Variants in PPP1R9A observed in about 807,000 individuals in gnomAD.
PPP1R9A encodes protein phosphatase 1 regulatory subunit 9A.
In PPP1R9A, 59 loss-of-function variants were observed where a neutral mutation model predicts 141.9. The ratio of observed to expected loss-of-function variants is 0.42; its 90% CI spans 0.34 to 0.52. PPP1R9A has a LOEUF of 0.52. Ranked by LOEUF, PPP1R9A falls within the 20% of genes least tolerant of loss-of-function variation. The pLI, the probability that PPP1R9A is intolerant of heterozygous loss-of-function variation, is 0.10. For missense variants in PPP1R9A, 1,444 were observed against 1,611.9 expected (o/e 0.90, Z 1.78); for synonymous variants, 500 against 569.7 (o/e 0.88, Z 1.74).
intron 2 of PPP1R9A, among the ~76,000 whole-genome samples, chr7:95,075,522 C>G: frequency 6.6e-6 from 1 of 152,122 alleles, no homozygotes; most frequent in East Asian, 1.9e-4. Flanking sequence ...ACCAACTTAA[C>G]AAAAGGTGAT....
chr7:95,082,363 C>G (rs1563211401), intron 2 of PPP1R9A, among the ~76,000 whole-genome samples: 1 of 152,158 alleles, frequency 6.6e-6, no homozygotes, highest in Non-Finnish European at 1.5e-5. Context: ...AAGGCCCTCA[C>G]CTTAGGCTGA....
In PPP1R9A at chr7:95,197,898, C is replaced by G. The variant is rs534810929; in HGVS notation, c.1755-451C>G. Among the ~76,000 whole-genome samples the G allele has an allele frequency of 1.1e-4, 16 of 152,318 alleles. No homozygotes were observed. The East Asian group carries it at 3.1e-3, about 29-fold the overall frequency. On this transcript the variant is annotated intron_variant, in intron 5 of 19. Coordinates refer to ENST00000433360, the MANE Select transcript of PPP1R9A (RefSeq NM_001166160.2). ...TCCGGGCCTCAGGTGATCCACCCACCTTTGCCTCCCAAAGTGTTGGGATTA... is the reference window on the plus strand; with the variant it reads ...TCCGGGCCTCAGGTGATCCACCCACGTTTGCCTCCCAAAGTGTTGGGATTA...
intron 2 of PPP1R9A, among the ~76,000 whole-genome samples, chr7:95,070,042 A>G (rs1374819593): frequency 5.3e-5 from 8 of 152,090 alleles, no homozygotes; most frequent in Non-Finnish European, 1.5e-5. Context: ...AATATACATG[A>G]TTCCCTTTGT....
chr7:95,227,097 G>A (rs1336872064), intron 8 of PPP1R9A, among the ~76,000 whole-genome samples: 1 of 152,202 alleles, frequency 6.6e-6, no homozygotes, highest in African/African-American at 2.4e-5. Flanking sequence ...CTGAGTGGGA[G>A]AAAGAGGTGT....
At chr7:95,103,429 G>A (rs1237075192) in intron 2 of PPP1R9A, among the ~76,000 whole-genome samples, 1 of 140,358 alleles carries the variant, frequency 7.1e-6, no homozygotes, top group East Asian at 2.1e-4. Context: ...GTGCAGTGGT[G>A]CGATCTTGGC....
intron 5 of PPP1R9A, among the ~76,000 whole-genome samples, chr7:95,197,711 C>T (rs902215867): frequency 6.6e-6 from 1 of 152,086 alleles, no homozygotes; most frequent in Non-Finnish European, 1.5e-5. Context: ...TGCAGTGGCG[C>T]GGTCTTGGCT....
At chr7:94,938,504 T>C (rs1261256628) in intron 2 of PPP1R9A, among the ~76,000 whole-genome samples, 2 of 152,122 alleles carry the variant, frequency 1.3e-5, no homozygotes, top group Non-Finnish European at 2.9e-5. Flanking sequence ...CTGCTATTAC[T>C]AGGAAAAAAG....
At position 95,135,589 on chromosome 7, in the gene PPP1R9A, C is replaced by G. The variant is rs542056509; in HGVS notation, c.1649+14757C>G. Among the ~76,000 whole-genome samples the G allele has an allele frequency of 6.0e-4, 91 of 152,198 alleles. 1 individual carries two copies. Among genetic ancestry groups the G allele is most frequent in the African/African-American group, 2.0e-3 (83 of 41,530 alleles). On this transcript the variant is annotated intron_variant, in intron 4 of 19. Transcript: ENST00000433360. ...GATCATTCTATCTATTGATATTGTA[C>G]AAACCTGTATTTTGCTTTTATTTTT...
chr7:95,291,285 C>G lies in PPP1R9A; in HGVS notation c.*982C>G, dbSNP rs1806321799. 6.6e-6 allele frequency: 1 copy of G among 152,174 alleles called. No homozygotes were observed. The highest frequency in any genetic ancestry group is 1.5e-5 in the Non-Finnish European group (1 of 68,040). The allele number at this position is 152,174 out of a possible 1,614,324, so 9.4% of individuals were successfully genotyped here. On this transcript the variant is annotated 3_prime_UTR_variant, in exon 20 of 20. Coordinates refer to ENST00000433360, the MANE Select transcript of PPP1R9A (RefSeq NM_001166160.2). ...AGCCTGCCTATGTCACAATCAGGAA[C>G]TCATCACATATTTTCTACTCAAGAT...
chr7:95,068,733 T>C (rs1813338584), intron 2 of PPP1R9A, among the ~76,000 whole-genome samples: 1 of 152,088 alleles, frequency 6.6e-6, no homozygotes, highest in Non-Finnish European at 1.5e-5. Flanking sequence ...GATAGTGGGC[T>C]GTAGGACCAA....
intron 2 of PPP1R9A, among the ~76,000 whole-genome samples, chr7:95,001,986 A>G (rs1802997482): frequency 6.6e-6 from 1 of 152,202 alleles, no homozygotes; most frequent in Non-Finnish European, 1.5e-5. Flanking sequence ...GTCACAAGCC[A>G]TGCTTTTTAG....
chr7:94,993,005 T>G (rs1801711506), intron 2 of PPP1R9A, among the ~76,000 whole-genome samples: 1 of 152,012 alleles, frequency 6.6e-6, no homozygotes, highest in African/African-American at 2.4e-5. Context: ...TAGATTTTTG[T>G]AGTTTTAGTT....
chr7:95,150,563 A>G (rs1190511854), intron 4 of PPP1R9A, among the ~76,000 whole-genome samples: 1 of 152,102 alleles, frequency 6.6e-6, no homozygotes, highest in African/African-American at 2.4e-5. Flanking sequence ...TGAGCCCCCA[A>G]AGTGCTGGGA....
chr7:95,105,743 A>G (rs1423274687), intron 2 of PPP1R9A, among the ~76,000 whole-genome samples: 1 of 152,226 alleles, frequency 6.6e-6, no homozygotes, highest in African/African-American at 2.4e-5. Flanking sequence ...TATTGTAAGA[A>G]AATGGAAAGA....
At chr7:95,033,335 G>A (rs562289562) in intron 2 of PPP1R9A, among the ~76,000 whole-genome samples, 13 of 151,776 alleles carry the variant, frequency 8.6e-5, no homozygotes, top group Middle Eastern at 3.2e-3. Flanking sequence ...TTTTAAGTAT[G>A]TGTTCAAGTC....
chr7:95,114,795 A>G (rs916886665), intron 3 of PPP1R9A, among the ~76,000 whole-genome samples: 10 of 151,936 alleles, frequency 6.6e-5, no homozygotes, highest in African/African-American at 2.2e-4. Flanking sequence ...TTTGGAAATT[A>G]CATAATACAT....
chr7:95,175,762 C>T (rs1832808621), intron 5 of PPP1R9A, among the ~76,000 whole-genome samples: 1 of 152,120 alleles, frequency 6.6e-6, no homozygotes, highest in African/African-American at 2.4e-5. Flanking sequence ...AATAACTATG[C>T]ATTCATTTCA....
intron 4 of PPP1R9A, among the ~76,000 whole-genome samples, chr7:95,129,737 T>A (rs1054580615): frequency 6.6e-6 from 1 of 152,224 alleles, no homozygotes; most frequent in African/African-American, 2.4e-5. Flanking sequence ...TGTCCTCAGA[T>A]GGAGAAGAGG....
In PPP1R9A at chr7:94,973,437, G is replaced by T. The variant is rs188775741; in HGVS notation, c.1395+61929G>T. On this transcript the variant is annotated intron_variant, in intron 2 of 19. Coordinates refer to ENST00000433360, the MANE Select transcript of PPP1R9A (RefSeq NM_001166160.2). ...TTTGGGACTTAAGCATTCCCTTGAAGAATAGATGGATAAGAAAAAAAGTGA... is the reference window on the plus strand; with the variant it reads ...TTTGGGACTTAAGCATTCCCTTGAATAATAGATGGATAAGAAAAAAAGTGA... Among the ~76,000 whole-genome samples, 206 of 152,246 alleles carry T rather than the reference G, an allele frequency of 1.4e-3. 2 individuals are homozygous for T. Among genetic ancestry groups the T allele is most frequent in the Non-Finnish European group, 2.1e-3 (141 of 68,018 alleles).
Sources: allele counts gnomAD v4.1 joint callset (sites outside exome capture counted in the v4.1 genomes callset), GRCh38; gene constraint gnomAD v4.1.1; transcripts MANE v1.5; gene names NCBI Gene and HGNC (gene_info 2026-07-23, HGNC 2026-07-21).